BRINP3: variants seen among roughly 807,000 people sequenced by gnomAD.
BRINP3 encodes the protein BMP/retinoic acid-inducible neural-specific protein 3.
A neutral mutation model predicts 71.0 loss-of-function variants in BRINP3; 19 were observed. The observed-to-expected ratio is 0.27, with a 90% confidence interval of 0.19 to 0.39. The LOEUF (loss-of-function observed/expected upper bound fraction) is 0.39. Among genes scored for constraint, BRINP3 ranks in the 10% least tolerant of loss-of-function variants. The probability of loss-of-function intolerance (pLI) is 1.00; values close to 1 mark genes in which losing one functional copy is unlikely to be tolerated. For synonymous variants in BRINP3, 380 were observed against 337.7 expected (o/e 1.13, Z -1.37); for missense variants, 959 against 940.8 (o/e 1.02, Z -0.25).
Position 190,168,540 on chromosome 1 carries a change from A to G in BRINP3, c.962-7650T>C, listed in dbSNP as rs1312572601. Reference sequence around the variant, plus strand: ...TAACCCATAAGATGTTTAGTTTCCAATTACTTGAGTAAAAAATTGTAATGG... The same window carrying G: ...TAACCCATAAGATGTTTAGTTTCCAGTTACTTGAGTAAAAAATTGTAATGG... On this transcript the variant is annotated intron_variant, in intron 6 of 7. Coordinates refer to ENST00000367462, the MANE Select transcript of BRINP3 (RefSeq NM_199051.3). Among the ~76,000 whole-genome samples the G allele has an allele frequency of 5.3e-5, 8 of 152,316 alleles. No homozygotes were observed. The South Asian group carries it at 1.5e-3, about 28-fold the overall frequency.
chr1:190,321,818 G>C (rs1195421187), intron 2 of BRINP3, among the ~76,000 whole-genome samples: 1 of 151,978 alleles, frequency 6.6e-6, no homozygotes, highest in Non-Finnish European at 1.5e-5. Flanking sequence ...TTTTTACCTT[G>C]TGGTATGCAA....
At chr1:190,105,575 A>T (rs2102260559) in intron 7 of BRINP3, among the ~76,000 whole-genome samples, 1 of 152,212 alleles carries the variant, frequency 6.6e-6, no homozygotes, top group Admixed American at 6.6e-5. Flanking sequence ...AAGTTTAAAT[A>T]ACTAGAACCT....
chr1:190,247,722 C>T (rs1027380337), intron 4 of BRINP3, among the ~76,000 whole-genome samples: 4 of 151,766 alleles, frequency 2.6e-5, no homozygotes, highest in Non-Finnish European at 4.4e-5. Context: ...TCTTTTCGTC[C>T]CACATGTGAG....
chr1:190,224,692 T>G (rs937530559), intron 6 of BRINP3, among the ~76,000 whole-genome samples: 5 of 151,750 alleles, frequency 3.3e-5, no homozygotes, highest in African/African-American at 9.7e-5. Context: ...AGTGAAGAGA[T>G]AACCCACAGA....
intron 2 of BRINP3, among the ~76,000 whole-genome samples, chr1:190,345,324 C>T (rs955049173): frequency 1.3e-5 from 2 of 151,616 alleles, no homozygotes; most frequent in East Asian, 3.9e-4. Flanking sequence ...AAATTAAATT[C>T]CAATTTGCCC....
At chr1:190,456,101 A>C (rs917346324) in intron 1 of BRINP3, among the ~76,000 whole-genome samples, 1 of 152,222 alleles carries the variant, frequency 6.6e-6, no homozygotes, top group African/African-American at 2.4e-5. Context: ...AAGATATATC[A>C]GTAATAGTAG....
intron 7 of BRINP3, among the ~76,000 whole-genome samples, chr1:190,151,652 G>T (rs748731934): frequency 1.3e-5 from 2 of 152,088 alleles, no homozygotes; most frequent in African/African-American, 2.4e-5. Flanking sequence ...TTATTTGCTG[G>T]CCCTATCAAA....
At chr1:190,238,541 A>C (rs1571461962) in intron 4 of BRINP3, among the ~76,000 whole-genome samples, 1 of 152,282 alleles carries the variant, frequency 6.6e-6, no homozygotes, top group Middle Eastern at 3.4e-3. Context: ...AATAGTTTTC[A>C]ACTTTATTAT....
intron 2 of BRINP3, among the ~76,000 whole-genome samples, chr1:190,384,156 TC>T (rs1670730289): frequency 1.3e-5 from 2 of 149,844 alleles, no homozygotes; most frequent in Admixed American, 6.8e-5. Context: ...GTTTTTTTTT[TC>T]ATTGCCTTAT....
At chr1:190,125,210 G>A (rs566810211) in intron 7 of BRINP3, among the ~76,000 whole-genome samples, 38 of 151,898 alleles carry the variant, frequency 2.5e-4, no homozygotes, top group Non-Finnish European at 2.2e-4. Flanking sequence ...ATAAAACAGA[G>A]TAAAGAGCTC....
intron 7 of BRINP3, among the ~76,000 whole-genome samples, chr1:190,109,784 C>G (rs563379194): frequency 6.6e-6 from 1 of 152,230 alleles, no homozygotes; most frequent in Non-Finnish European, 1.5e-5. Flanking sequence ...TTCAGTTTCT[C>G]CAGCCTTTGG....
chr1:190,166,106 C>G (rs1051283236), intron 6 of BRINP3, among the ~76,000 whole-genome samples: 1 of 152,104 alleles, frequency 6.6e-6, no homozygotes, highest in African/African-American at 2.4e-5. Context: ...CAATGTAAGT[C>G]TATTCAAACC....
chr1:190,230,529 C>T (rs1657869637), intron 5 of BRINP3, among the ~76,000 whole-genome samples: 1 of 151,664 alleles, frequency 6.6e-6, no homozygotes, highest in South Asian at 2.1e-4. Context: ...GCATATTTTA[C>T]AATAAAAATA....
At chr1:190,238,365 C>T (rs887113657) in intron 4 of BRINP3, among the ~76,000 whole-genome samples, 3 of 151,862 alleles carry the variant, frequency 2.0e-5, no homozygotes, top group Admixed American at 6.6e-5. Flanking sequence ...TCACTACATA[C>T]TCTGTTTTTT....
At chr1:190,378,993 C>T (rs1180451) in intron 2 of BRINP3, among the ~76,000 whole-genome samples, 55,201 of 152,054 alleles carry the variant, frequency 0.36, 11,076 homozygotes, top group Admixed American at 0.48. Flanking sequence ...AGAAATCTCA[C>T]GTCTTCCTTC....
At chr1:190,415,096 T>A (rs1181053118) in intron 2 of BRINP3, among the ~76,000 whole-genome samples, 1 of 152,172 alleles carries the variant, frequency 6.6e-6, no homozygotes, top group African/African-American at 2.4e-5. Context: ...TAATCAAAAT[T>A]CATGTTGAAT....
intron 6 of BRINP3, among the ~76,000 whole-genome samples, chr1:190,185,683 G>A (rs1486322332): frequency 6.6e-6 from 1 of 151,740 alleles, no homozygotes; most frequent in Admixed American, 6.6e-5. Flanking sequence ...TGTATATAAT[G>A]CCATCTACTA....
chr1:190,101,769 C>A (rs1299902095), intron 7 of BRINP3, among the ~76,000 whole-genome samples: 3 of 152,096 alleles, frequency 2.0e-5, no homozygotes, highest in Admixed American at 2.0e-4. Flanking sequence ...GTTTCCAAAT[C>A]ATAAGAAGAA....
chr1:190,125,312 T>TTA (rs1266240607), intron 7 of BRINP3, among the ~76,000 whole-genome samples: 2 of 151,518 alleles, frequency 1.3e-5, no homozygotes, highest in South Asian at 2.1e-4. Flanking sequence ...ATTTACAGGT[T>TTA]TATATATATA....
Sources: gnomAD v4.1 joint callset for allele counts (sites outside exome capture counted in the v4.1 genomes callset) on GRCh38, gnomAD v4.1.1 for gene constraint, MANE v1.5 for transcripts, NCBI Gene and HGNC (gene_info 2026-07-23, HGNC 2026-07-21) for gene names.